Variants in SYCP2 observed in about 807,000 individuals in gnomAD.
The protein encoded by SYCP2 is synaptonemal complex lateral element protein.
SYCP2 carries 55 observed loss-of-function variants against 211.3 expected under a neutral mutation model. The ratio of observed to expected loss-of-function variants is 0.26; its 90% CI spans 0.21 to 0.33. The LOEUF (loss-of-function observed/expected upper bound fraction) is 0.33. SYCP2 is among the 10% of genes least tolerant of loss of function. SYCP2 has a pLI of 1.00. For missense variants in SYCP2, 1,731 were observed against 1,752.0 expected, an observed-to-expected ratio of 0.99 and a Z score of 0.21; for synonymous variants, 570 against 555.2, an observed-to-expected ratio of 1.03 and a Z score of -0.37.
chr20:59,892,864 ACATT>A (rs1417960246), intron 22 of SYCP2, among the ~76,000 whole-genome samples, 163 bp from the exon 23 acceptor site: 7 of 151,966 alleles, frequency 4.6e-5, no homozygotes, highest in African/African-American at 1.7e-4. Flanking sequence ...ATATTTCTAC[ACATT>A]AATTAATTTC....
At position 59,864,200 on chromosome 20, in the gene SYCP2, T is replaced by C. The variant is rs1312594594; in HGVS notation, c.*111A>G. ...TTAATTTGAGGGTTCCTATAAAGGG[T>C]ACACTTGCTTCGGTGACATGTATAT... is the stretch of plus-strand genomic sequence containing the variant. On this transcript the variant is annotated 3_prime_UTR_variant, in exon 45 of 45. Coordinates refer to ENST00000357552, the MANE Select transcript of SYCP2 (RefSeq NM_014258.4). The C allele has an allele frequency of 1.4e-6, 1 of 735,024 alleles. No homozygotes were observed. The highest frequency in any genetic ancestry group is 1.8e-5 in the African/African-American group (1 of 54,212). The allele number at this position is 735,024 out of a possible 1,614,324, so 45.5% of individuals were successfully genotyped here.
rs778487904 is a variant in SYCP2 at position 59,914,262 on chromosome 20, AAT to A, written c.635-13_635-12del. 3 of 1,485,378 alleles carry A rather than the reference AAT, an allele frequency of 2.0e-6. No individual in the cohort carries two copies. Among genetic ancestry groups the A allele is most frequent in the Admixed American group, 2.1e-5 (1 of 48,134 alleles). 92.0% of individuals were successfully genotyped at this position (1,485,378 alleles called of 1,614,324 possible). On this transcript the variant is annotated splice_polypyrimidine_tract_variant and intron_variant, in intron 10 of 44. Coordinates refer to ENST00000357552, the MANE Select transcript of SYCP2 (RefSeq NM_014258.4). ...CCTGTAAGTCATAATCTATTAAAAA[AAT>A]AGTTAATGTTTGATTTACAATTATG... is the stretch of plus-strand genomic sequence containing the variant.
intron 24 of SYCP2, among the ~76,000 whole-genome samples, chr20:59,889,601 A>G (rs2059864614): frequency 6.6e-6 from 1 of 151,968 alleles, no homozygotes; most frequent in Non-Finnish European, 1.5e-5. Flanking sequence ...TATTTTAACC[A>G]TTTTTAAGTC....
At chr20:59,875,520 T>C in intron 33 of SYCP2, 51 bp from the exon 34 acceptor site, 3 of 1,387,414 alleles carry the variant, frequency 2.2e-6, no homozygotes, top group Non-Finnish European at 3.0e-6. Flanking sequence ...ATATTTACAC[T>C]TGGACACATA....
At chr20:59,932,861 C>A (rs904966428) in intron 1 of SYCP2, among the ~76,000 whole-genome samples, 3 of 151,996 alleles carry the variant, frequency 2.0e-5, no homozygotes, top group Admixed American at 2.0e-4. Flanking sequence ...CAGGTGGGGA[C>A]GGCGGGAGGG....
intron 35 of SYCP2, among the ~76,000 whole-genome samples, chr20:59,870,928 G>A (rs894713673): frequency 6.6e-6 from 1 of 151,688 alleles, no homozygotes; most frequent in Non-Finnish European, 1.5e-5. Context: ...TAAAATTTGA[G>A]TCAAATTTAG....
intron 18 of SYCP2, among the ~76,000 whole-genome samples, chr20:59,897,425 C>T (rs141974204): frequency 6.6e-6 from 1 of 152,116 alleles, no homozygotes; most frequent in South Asian, 2.1e-4. Flanking sequence ...CATATAAATG[C>T]CTCAAACAGT....
intron 35 of SYCP2, among the ~76,000 whole-genome samples, chr20:59,871,690 G>C (rs1489248141): frequency 6.6e-6 from 1 of 151,804 alleles, no homozygotes; most frequent in Non-Finnish European, 1.5e-5. Context: ...GATATAAAAT[G>C]GTTCAGTATT....
At chr20:59,910,511 G>A (rs2060300315) in intron 14 of SYCP2, among the ~76,000 whole-genome samples, 1 of 150,028 alleles carries the variant, frequency 6.7e-6, no homozygotes, top group Non-Finnish European at 1.5e-5. Context: ...CTCCCGAGCA[G>A]CTGGGACTAC....
At chr20:59,888,082 T>C (rs1483072209) in intron 24 of SYCP2, among the ~76,000 whole-genome samples, 3 of 151,992 alleles carry the variant, frequency 2.0e-5, no homozygotes, top group African/African-American at 7.2e-5. Flanking sequence ...ATCAAACATT[T>C]AAGGAAGAAA....
Position 59,893,143 on chromosome 20 carries a change from T to A in SYCP2, c.1792A>T (p.Ile598Leu), listed in dbSNP as rs747646328. 2.5e-6 allele frequency: 4 copies of A among 1,589,966 alleles called. No individual in the cohort carries two copies. The East Asian group carries it at 9.0e-5, about 36-fold the overall frequency. The change falls in exon 22 of 45, where the codon ATA (isoleucine) becomes TTA (leucine). Residue 598 changes from isoleucine to leucine, a missense_variant and splice_region_variant. By Grantham distance (5) the Ile-to-Leu change is conservative. This residue lies in a region of SYCP2 where 1,387 missense variants were observed against 1,351.3 expected (regional missense o/e 1.03). Coordinates refer to ENST00000357552, the MANE Select transcript of SYCP2 (RefSeq NM_014258.4). ...ATTTGATGGTTTTCTCATACTTACA[T>A]AGTATGATCTCTTTTTTCCGCTGCC... ...SQAAEKRDHT[I>L]LPGVLDNICG...
intron 17 of SYCP2, 125 bp from the exon 18 acceptor site, chr20:59,900,409 T>C: frequency 2.2e-6 from 2 of 892,050 alleles, no homozygotes; most frequent in Admixed American, 3.3e-5. Context: ...TCTATCCATG[T>C]GCTGTTATAA....
intron 18 of SYCP2, 42 bp downstream of exon 18, chr20:59,900,096 C>T: frequency 1.3e-6 from 2 of 1,592,448 alleles, no homozygotes; most frequent in Non-Finnish European, 1.7e-6. Context: ...GTGATTTGAT[C>T]AATGGTAGTT....
intron 2 of SYCP2, among the ~76,000 whole-genome samples, chr20:59,925,877 T>C (rs2060626061): frequency 6.6e-6 from 1 of 152,040 alleles, no homozygotes; most frequent in Non-Finnish European, 1.5e-5. Flanking sequence ...TTAGATGAAG[T>C]GAAGCAGAAC....
intron 2 of SYCP2, among the ~76,000 whole-genome samples, chr20:59,923,436 T>C (rs902761044): frequency 6.6e-6 from 1 of 152,014 alleles, no homozygotes; most frequent in African/African-American, 2.4e-5. Flanking sequence ...TATTCATTTA[T>C]AAATAATAAA....
At chr20:59,880,608 A>C (rs1261157914) in intron 30 of SYCP2, 137 bp from the exon 31 acceptor site, 23 of 571,740 alleles carry the variant, frequency 4.0e-5, no homozygotes, top group Non-Finnish European at 6.6e-5. Flanking sequence ...ATTTCTTAAC[A>C]TCCTAATTTA....
chr20:59,903,864 C>T (rs942413952), intron 15 of SYCP2, among the ~76,000 whole-genome samples: 1 of 152,096 alleles, frequency 6.6e-6, no homozygotes, highest in Non-Finnish European at 1.5e-5. Context: ...CTGGAGACTT[C>T]CACTTCTGGG....
intron 26 of SYCP2, among the ~76,000 whole-genome samples, chr20:59,885,639 T>TACACAC (rs555963029): frequency 2.6e-5 from 4 of 150,968 alleles, no homozygotes; most frequent in African/African-American, 7.3e-5. Flanking sequence ...ATTAAAAAAA[T>TACACAC]ACACACACAC....
intron 14 of SYCP2, among the ~76,000 whole-genome samples, chr20:59,908,351 T>C (rs181657823): frequency 1.2e-4 from 18 of 152,264 alleles, no homozygotes; most frequent in Middle Eastern, 3.4e-3. Context: ...TCCTTACTAT[T>C]TTCACCAATT....
Sources: allele counts gnomAD v4.1 joint callset (sites outside exome capture counted in the v4.1 genomes callset), GRCh38; gene constraint gnomAD v4.1.1; regional missense constraint gnomAD v4.1.1; transcripts MANE v1.5; gene names NCBI Gene and HGNC (gene_info 2026-07-23, HGNC 2026-07-21).